UNC13C: variants seen among roughly 807,000 people sequenced by gnomAD.
The protein encoded by UNC13C is protein unc-13 homolog C.
In UNC13C, 174 loss-of-function variants were observed where a neutral mutation model predicts 245.4. The ratio of observed to expected loss-of-function variants is 0.71; its 90% CI spans 0.63 to 0.80. The LOEUF (loss-of-function observed/expected upper bound fraction) is 0.80. UNC13C is among the 30% of genes least tolerant of loss of function. UNC13C has a pLI of 0.00. For missense variants in UNC13C, 2,829 were observed against 2,602.9 expected (o/e 1.09, Z -1.89); for synonymous variants, 992 against 895.1 (o/e 1.11, Z -1.93).
rs375172567 is a variant in UNC13C at position 54,134,744 on chromosome 15, C to T, written c.2984-8274C>T. Among the ~76,000 whole-genome samples the T allele has an allele frequency of 5.3e-5, 8 of 152,032 alleles. No individual in the cohort carries two copies. In the East Asian group the frequency reaches 7.7e-4, roughly 15 times the overall value. ...TTCACCAAAATAGGTTGTTTTTATA[C>T]CTTGGCTATAGTGAATAATTCTGCA... is the stretch of plus-strand genomic sequence containing the variant. On this transcript the variant is annotated intron_variant, in intron 2 of 32. Transcript: ENST00000260323.
chr15:54,192,410 C>T (rs1239641163), intron 4 of UNC13C, among the ~76,000 whole-genome samples: 1 of 152,036 alleles, frequency 6.6e-6, no homozygotes, highest in East Asian at 1.9e-4. Context: ...ATTCTCCATG[C>T]TTCAAAGTAG....
chr15:54,294,018 A>G lies in UNC13C; in HGVS notation c.3942A>G (p.Val1314=). Residue 1314 remains valine (V), a synonymous_variant, in exon 11 of 33, where the codon GTA becomes GTG. Coordinates refer to ENST00000260323, the MANE Select transcript of UNC13C (RefSeq NM_001080534.3). ...ATGATTTTCTGGGACAAACAATTGTAGAAGTGAGGACCTTGAGTGGAGAAA... is the reference window on the plus strand; with the variant it reads ...ATGATTTTCTGGGACAAACAATTGTGGAAGTGAGGACCTTGAGTGGAGAAA... The part of the protein sequence containing the change: ...ESDDFLGQTI[V]EVRTLSGEMD... The G allele has an allele frequency of 6.3e-7, 1 of 1,592,794 alleles. No homozygotes were observed. Among genetic ancestry groups the G allele is most frequent in the African/African-American group, 1.4e-5 (1 of 73,538 alleles).
chr15:54,250,505 A>T (rs1180249567), intron 8 of UNC13C, 61 bp downstream of exon 8: 1 of 1,446,470 alleles, frequency 6.9e-7, no homozygotes, highest in East Asian at 2.3e-5. Flanking sequence ...CATCTGTTTC[A>T]TGTTAGATCA....
intron 10 of UNC13C, among the ~76,000 whole-genome samples, chr15:54,274,372 G>A (rs2036773197): frequency 6.6e-6 from 1 of 152,076 alleles, no homozygotes; most frequent in Non-Finnish European, 1.5e-5. Context: ...TTATAGGCAT[G>A]GATATTTGTG....
At chr15:54,457,892 GT>G (rs34133938) in intron 19 of UNC13C, among the ~76,000 whole-genome samples, 333 of 122,984 alleles carry the variant, frequency 2.7e-3, no homozygotes, top group African/African-American at 9.0e-3. Context: ...TCTGCTTTTC[GT>G]TTTTTTTTTT....
intron 28 of UNC13C, among the ~76,000 whole-genome samples, chr15:54,553,925 C>G (rs1262729046): frequency 6.6e-6 from 1 of 151,884 alleles, no homozygotes; most frequent in Non-Finnish European, 1.5e-5. Flanking sequence ...GCAAACATTT[C>G]TATTACTCTT....
chr15:54,256,873 G>C (rs1350385230), intron 8 of UNC13C, among the ~76,000 whole-genome samples: 2 of 152,180 alleles, frequency 1.3e-5, no homozygotes, highest in Non-Finnish European at 2.9e-5. Context: ...CTATGTTTTT[G>C]TCTATGCTTA....
intron 10 of UNC13C, among the ~76,000 whole-genome samples, chr15:54,290,771 A>AT (rs34789917): frequency 6.6e-6 from 1 of 151,998 alleles, no homozygotes; most frequent in African/African-American, 2.4e-5. Flanking sequence ...TGAGATGGAT[A>AT]TTTTTTCTTG....
intron 1 of UNC13C, among the ~76,000 whole-genome samples, chr15:53,983,756 T>C (rs972472835): frequency 3.9e-5 from 6 of 151,978 alleles, no homozygotes; most frequent in African/African-American, 1.4e-4. Flanking sequence ...GTAGCCTCTG[T>C]TACCTCTTTG....
Position 54,623,919 on chromosome 15 carries a change from C to T in UNC13C, c.6324C>T (p.Asn2108=). 1 of 1,613,200 alleles carries T rather than the reference C, an allele frequency of 6.2e-7. No individual in the cohort carries two copies. The highest frequency in any genetic ancestry group is 2.2e-5 in the East Asian group (1 of 44,856). The part of the protein sequence containing the change: ...KRKQGTKTKS[N]TWSPKYNETF... ...AACAAGGCACAAAAACAAAAAGCAA[C>T]ACATGGTCACCAAAGTACAATGAAA... Residue 2108 remains asparagine, a synonymous_variant, in exon 32 of 33, where the codon AAC becomes AAT. Coordinates refer to ENST00000260323, the MANE Select transcript of UNC13C (RefSeq NM_001080534.3).
intron 25 of UNC13C, among the ~76,000 whole-genome samples, chr15:54,528,595 A>G (rs1895594018): frequency 1.3e-5 from 2 of 152,032 alleles, no homozygotes; most frequent in South Asian, 4.1e-4. Flanking sequence ...TTCACATAAT[A>G]GGAACATAAC....
chr15:54,035,633 C>T (rs1344126340), intron 2 of UNC13C, among the ~76,000 whole-genome samples: 1 of 152,030 alleles, frequency 6.6e-6, no homozygotes, highest in Non-Finnish European at 1.5e-5. Flanking sequence ...ATTTCTGACC[C>T]GATTTACAGA....
intron 30 of UNC13C, among the ~76,000 whole-genome samples, chr15:54,612,190 C>T (rs2141290942): frequency 6.6e-6 from 1 of 152,076 alleles, no homozygotes; most frequent in South Asian, 2.1e-4. Context: ...TTCCCATCAT[C>T]AATAGTGGAC....
the UNC13C span, among the ~76,000 whole-genome samples, chr15:53,909,881 G>A: frequency 2.0e-5 from 3 of 146,616 alleles, no homozygotes; most frequent in Non-Finnish European, 4.6e-5. Context: ...GGAACCACTT[G>A]AGCACTGAAT....
At chr15:54,503,438 T>G (rs998686975) in intron 22 of UNC13C, among the ~76,000 whole-genome samples, 1 of 151,488 alleles carries the variant, frequency 6.6e-6, no homozygotes, top group African/African-American at 2.4e-5. Flanking sequence ...CCTTTCCTTT[T>G]TTTTTTTTTT....
intron 4 of UNC13C, among the ~76,000 whole-genome samples, chr15:54,201,338 A>G (rs2034515144): frequency 6.6e-6 from 1 of 152,064 alleles, no homozygotes; most frequent in Non-Finnish European, 1.5e-5. Context: ...CTCTAGTACC[A>G]AAACCAGGAC....
chr15:54,297,932 T>G lies in UNC13C; in HGVS notation c.4104+6T>G. On this transcript the variant is annotated splice_donor_region_variant and intron_variant, in intron 12 of 32. Coordinates refer to ENST00000260323, the MANE Select transcript of UNC13C (RefSeq NM_001080534.3). Reference sequence around the variant, plus strand: ...AATATACATGTTTACATGAGGTAAATAAATGGAATTTTACTAATACAAAAT... The same window carrying G: ...AATATACATGTTTACATGAGGTAAAGAAATGGAATTTTACTAATACAAAAT... 6.5e-5 allele frequency: 97 copies of G among 1,481,728 alleles called. No homozygotes were observed. Among genetic ancestry groups the G allele is most frequent in the Non-Finnish European group, 8.6e-5 (93 of 1,080,248 alleles). The allele number at this position is 1,481,728 out of a possible 1,614,324, so 91.8% of individuals were successfully genotyped here.
the UNC13C span, among the ~76,000 whole-genome samples, chr15:53,965,275 C>T: frequency 6.6e-6 from 1 of 152,082 alleles, no homozygotes; most frequent in Admixed American, 6.5e-5. Context: ...TCATTTATAA[C>T]CCTCTCTTCC....
intron 4 of UNC13C, among the ~76,000 whole-genome samples, chr15:54,205,014 C>T (rs371667551): frequency 1.3e-5 from 2 of 151,892 alleles, no homozygotes; most frequent in South Asian, 2.1e-4. Flanking sequence ...ATCAGACTTC[C>T]GTAATCCCAT....
Sources: allele counts gnomAD v4.1 joint callset (sites outside exome capture counted in the v4.1 genomes callset), GRCh38; gene constraint gnomAD v4.1.1; transcripts MANE v1.5; gene names NCBI Gene and HGNC (gene_info 2026-07-23, HGNC 2026-07-21).